Variants in ASAH2 observed in about 807,000 individuals in gnomAD.
The protein encoded by ASAH2 is N-acylsphingosine amidohydrolase 2.
A neutral mutation model predicts 82.9 loss-of-function variants in ASAH2; 58 were observed. The observed-to-expected ratio is 0.70, with a 90% CI of 0.57 to 0.87. The LOEUF is 0.87. Among genes scored for constraint, ASAH2 ranks in the 40% least tolerant of loss-of-function variants. ASAH2 has a pLI of 0.00. For synonymous variants in ASAH2, 276 were observed against 289.7 expected (o/e 0.95, Z 0.48); for missense variants, 779 against 834.0 (o/e 0.93, Z 0.81).
intron 1 of ASAH2, 83 bp from the exon 2 acceptor site, chr10:50,248,729 AGAC>A: frequency 9.4e-7 from 1 of 1,067,474 alleles, no homozygotes; most frequent in Non-Finnish European, 1.3e-6. Flanking sequence ...TCATATTAAT[AGAC>A]TATACCAAGA....
intron 15 of ASAH2, 59 bp downstream of exon 15, chr10:50,203,581 T>TCCTACGGTGAAGAGGG (rs1224226418): frequency 7.4e-7 from 1 of 1,345,054 alleles, no homozygotes; most frequent in Non-Finnish European, 1.1e-6. Flanking sequence ...AGGGATAGGA[T>TCCTACGGTGAAGAGGG]ATACTTTCCT....
chr10:50,251,247 G>A (rs1846605607), intron 1 of ASAH2, among the ~76,000 whole-genome samples, 148 bp downstream of exon 1: 1 of 152,174 alleles, frequency 6.6e-6, no homozygotes, highest in East Asian at 1.9e-4. Flanking sequence ...TTTTCAAGGA[G>A]AGAGTAAAAG....
rs1266350132 is a variant in ASAH2 at position 50,208,048 on chromosome 10, AT to A, written c.1415-1952del. Among the ~76,000 whole-genome samples the A allele has an allele frequency of 7.2e-5, 11 of 152,062 alleles. No individual in the cohort carries two copies. The South Asian group carries it at 8.3e-4, about 11-fold the overall frequency. On this transcript the variant is annotated intron_variant, in intron 12 of 20. Coordinates refer to ENST00000682911, the MANE Select transcript of ASAH2 (RefSeq NM_019893.4). Reference sequence around the variant, plus strand: ...TAATGCAGTACAACATATTAATATAATTTTTTAATTACATGATAATCTGAGC... The same window carrying A: ...TAATGCAGTACAACATATTAATATAATTTTTAATTACATGATAATCTGAGC...
At position 50,233,249 on chromosome 10, in the gene ASAH2, AT is replaced by A; in HGVS notation, c.827del (p.Asn276IlefsTer6). The A allele has an allele frequency of 1.2e-6, 2 of 1,609,268 alleles. No homozygotes were observed. The highest frequency in any genetic ancestry group is 1.7e-6 in the Non-Finnish European group (2 of 1,175,860). On this transcript the variant is annotated frameshift_variant, in exon 7 of 21. Transcript: ENST00000682911. LOFTEE classifies it high-confidence loss of function. ...TCAAAACTATCATTTCCTTGTCTGT[AT>A]TTGAAGAATACCTAGTCAGTAAAAC... is the stretch of plus-strand genomic sequence containing the variant. Reference protein sequence around the residue: ...PQSERARYSSNTDKEMIVLKM... With the variant: ...PQSERARYSSXTDKEMIVLKM...
intron 10 of ASAH2, among the ~76,000 whole-genome samples, chr10:50,212,639 C>T (rs1845486456): frequency 6.6e-6 from 1 of 152,138 alleles, no homozygotes; most frequent in Admixed American, 6.6e-5. Flanking sequence ...TCAATCTGGT[C>T]ATATCTAATG....
chr10:50,248,468 A>G lies in ASAH2; in HGVS notation c.127+16T>C. On this transcript the variant is annotated intron_variant, in intron 2 of 20. Coordinates refer to ENST00000682911, the MANE Select transcript of ASAH2 (RefSeq NM_019893.4). The stretch of plus-strand genomic sequence containing the variant: ...CAGGCCTAAAAATTGCATCTAAGAG[A>G]GCCCATGACACTTGCCTTTGTGGTT... 1.2e-6 allele frequency: 2 copies of G among 1,610,154 alleles called. No individual in the cohort carries two copies. Among genetic ancestry groups the G allele is most frequent in the Non-Finnish European group, 1.7e-6 (2 of 1,178,860 alleles).
chr10:50,237,922 T>C (rs1000698533), intron 4 of ASAH2, among the ~76,000 whole-genome samples: 1 of 152,158 alleles, frequency 6.6e-6, no homozygotes, highest in African/African-American at 2.4e-5. Context: ...CCCATAACTA[T>C]ATGTACCATG....
intron 4 of ASAH2, among the ~76,000 whole-genome samples, chr10:50,236,268 G>T (rs1265807103): frequency 6.6e-6 from 1 of 152,102 alleles, no homozygotes; most frequent in Non-Finnish European, 1.5e-5. Flanking sequence ...CATGACTGGG[G>T]AGGCCTCAGG....
chr10:50,199,039 A>G lies in ASAH2; in HGVS notation c.1857+12T>C. The G allele has an allele frequency of 6.2e-7, 1 of 1,612,876 alleles. No homozygotes were observed. The highest frequency in any genetic ancestry group is 8.5e-7 in the Non-Finnish European group (1 of 1,179,246). On this transcript the variant is annotated intron_variant, in intron 17 of 20. Transcript: ENST00000682911. The stretch of plus-strand genomic sequence containing the variant: ...GCACGCGCGCATGCACGCACAAACA[A>G]TATTTGATTACCGTAGCAATAGCCT...
At chr10:50,203,891 A>G (rs1845225952) in intron 14 of ASAH2, among the ~76,000 whole-genome samples, 1 of 152,060 alleles carries the variant, frequency 6.6e-6, no homozygotes, top group Admixed American at 6.6e-5. Flanking sequence ...AGTCAATTTG[A>G]CTAAAAGAAG....
chr10:50,239,408 C>T (rs1846235598), intron 4 of ASAH2, among the ~76,000 whole-genome samples: 1 of 152,130 alleles, frequency 6.6e-6, no homozygotes, highest in Non-Finnish European at 1.5e-5. Context: ...CCACTATTGA[C>T]TTGATAACAC....
chr10:50,246,223 C>A (rs1846453689), intron 2 of ASAH2, among the ~76,000 whole-genome samples: 1 of 152,118 alleles, frequency 6.6e-6, no homozygotes, highest in Admixed American at 6.5e-5. Context: ...AAACCTGAAT[C>A]TACCACTTAC....
intron 16 of ASAH2, among the ~76,000 whole-genome samples, chr10:50,199,809 G>A (rs1303938126): frequency 1.3e-5 from 2 of 151,240 alleles, no homozygotes; most frequent in African/African-American, 4.9e-5. Flanking sequence ...CTCCACATCC[G>A]GTAATTCTGT....
At position 50,215,354 on chromosome 10, in the gene ASAH2, T is replaced by A. The variant is rs1013326955; in HGVS notation, c.1015-486A>T. Among the ~76,000 whole-genome samples, 1,140 of 152,008 alleles carry A rather than the reference T, an allele frequency of 7.5e-3. 12 individuals are homozygous for A. The highest frequency in any genetic ancestry group is 0.026 in the African/African-American group (1,077 of 41,460). On this transcript the variant is annotated intron_variant, in intron 8 of 20. Coordinates refer to ENST00000682911, the MANE Select transcript of ASAH2 (RefSeq NM_019893.4). ...TTTGTTGCTATTGCTTTTGGTGTTTTAGTCATGGAGTCTCTACCCATCCCT... is the reference window on the plus strand; with the variant it reads ...TTTGTTGCTATTGCTTTTGGTGTTTAAGTCATGGAGTCTCTACCCATCCCT...
intron 13 of ASAH2, 57 bp downstream of exon 13, chr10:50,205,925 T>C: frequency 7.7e-7 from 1 of 1,294,004 alleles, no homozygotes; most frequent in Non-Finnish European, 1.1e-6. Context: ...ACCTGACAGT[T>C]CACATATTTA....
chr10:50,231,106 C>T (rs1488089751), intron 7 of ASAH2, among the ~76,000 whole-genome samples: 1 of 151,578 alleles, frequency 6.6e-6, no homozygotes, highest in Non-Finnish European at 1.5e-5. Context: ...CTTGGTCCTT[C>T]AGCCAAGAGT....
chr10:50,237,265 G>A (rs1846185025), intron 4 of ASAH2, among the ~76,000 whole-genome samples: 1 of 152,106 alleles, frequency 6.6e-6, no homozygotes, highest in Admixed American at 6.6e-5. Context: ...TGTGATGCAA[G>A]GACACCCTAA....
intron 8 of ASAH2, 70 bp downstream of exon 8, chr10:50,218,440 C>T: frequency 6.2e-7 from 1 of 1,605,832 alleles, no homozygotes; most frequent in Non-Finnish European, 8.5e-7. Flanking sequence ...TGAATCACCT[C>T]TTCTGAATGC....
rs767544067 is a variant in ASAH2, at chr10:50,211,047, G to A, written c.1315C>T (p.Leu439Phe). Residue 439 changes from leucine (L) to phenylalanine (F), a missense_variant, in exon 11 of 21, where the codon CTC becomes TTC. Physicochemically the swap from Leu to Phe is conservative, Grantham distance 22. Coordinates refer to ENST00000682911, the MANE Select transcript of ASAH2 (RefSeq NM_019893.4). ...GCACTTACTGCATGTGTGGAATTGA[G>A]CCAGACAGTCACATCTGTCATATCC... Reference protein sequence around the residue: ...WVDMTDVTVWLNSTHASKTCK... With the variant: ...WVDMTDVTVWFNSTHASKTCK... The A allele has an allele frequency of 2.5e-6, 4 of 1,613,496 alleles. No homozygotes were observed. In the Admixed American group the frequency reaches 6.7e-5, roughly 27 times the overall value.
Sources: gnomAD v4.1 joint callset for allele counts (sites outside exome capture counted in the v4.1 genomes callset) on GRCh38, gnomAD v4.1.1 for gene constraint, MANE v1.5 for transcripts, NCBI Gene and HGNC (gene_info 2026-07-23, HGNC 2026-07-21) for gene names.